Variants in NKAIN3 observed in about 807,000 individuals in gnomAD.
NKAIN3 encodes sodium/potassium transporting ATPase interacting 3.
In NKAIN3, 25 loss-of-function variants were observed where a neutral mutation model predicts 30.2. The observed-to-expected ratio is 0.83, with a 90% CI of 0.60 to 1.16. The LOEUF is 1.16. NKAIN3 is among the 50% of genes most tolerant of loss of function. The pLI, the probability that NKAIN3 is intolerant of heterozygous loss-of-function variation, is 0.00. For missense variants in NKAIN3, 225 were observed against 254.1 expected, an observed-to-expected ratio of 0.89 and a Z score of 0.78; for synonymous variants, 91 against 89.6, an observed-to-expected ratio of 1.02 and a Z score of -0.09.
intron 4 of NKAIN3, among the ~76,000 whole-genome samples, chr8:62,798,990 A>G (rs1817965243): frequency 6.6e-6 from 1 of 152,060 alleles, no homozygotes; most frequent in Admixed American, 6.6e-5. Context: ...GACTCACAGG[A>G]CCAAGGTGTC....
At chr8:62,466,740 T>G (rs16928969) in intron 1 of NKAIN3, among the ~76,000 whole-genome samples, 3,340 of 152,238 alleles carry the variant, frequency 0.022, 137 homozygotes, top group African/African-American at 0.076. Flanking sequence ...TAAACTTAGG[T>G]CTTAAAAGCC....
At chr8:62,574,729 A>C (rs1376205951) in intron 1 of NKAIN3, among the ~76,000 whole-genome samples, 1 of 152,114 alleles carries the variant, frequency 6.6e-6, no homozygotes, top group Non-Finnish European at 1.5e-5. Flanking sequence ...TTTTTTGGAT[A>C]TAAGCCATTT....
intron 4 of NKAIN3, among the ~76,000 whole-genome samples, chr8:62,840,437 AAC>A (rs1447487607): frequency 2.5e-4 from 37 of 150,904 alleles, no homozygotes; most frequent in African/African-American, 7.0e-4. Context: ...AAAAAAAAAA[AAC>A]AATCAGAGAG....
intron 4 of NKAIN3, among the ~76,000 whole-genome samples, chr8:62,805,364 A>G: frequency 6.6e-6 from 1 of 151,860 alleles, no homozygotes; most frequent in East Asian, 1.9e-4. Flanking sequence ...AGCCAAAAGA[A>G]CAAAGCTGGA....
chr8:62,942,751 G>A (rs747432795), intron 5 of NKAIN3, among the ~76,000 whole-genome samples: 1 of 151,944 alleles, frequency 6.6e-6, no homozygotes, highest in African/African-American at 2.4e-5. Context: ...ACTGATCTTC[G>A]ACAAAGCAAA....
At chr8:62,602,548 G>T (rs1585997575) in intron 3 of NKAIN3, among the ~76,000 whole-genome samples, 1 of 152,086 alleles carries the variant, frequency 6.6e-6, no homozygotes, top group Middle Eastern at 3.4e-3. Flanking sequence ...CAGAGTCTAT[G>T]ACAACATTGG....
intron 4 of NKAIN3, among the ~76,000 whole-genome samples, chr8:62,870,969 G>A (rs563100033): frequency 6.6e-6 from 1 of 151,900 alleles, no homozygotes; most frequent in Non-Finnish European, 1.5e-5. Context: ...AGATCATACT[G>A]GGAAAACCAG....
In NKAIN3 at chr8:62,699,078, G is replaced by T. The variant is rs142078677; in HGVS notation, c.274-47854G>T. On this transcript the variant is annotated intron_variant, in intron 3 of 6. Coordinates refer to ENST00000623646, the MANE Select transcript of NKAIN3 (RefSeq NM_001304533.3). ...GATATGCTGTTGTCATTAGAAACAC[G>T]CTGGCTTTCTTGTGACCTTTCTCGG... Among the ~76,000 whole-genome samples, 72 of 152,138 alleles carry T rather than the reference G, an allele frequency of 4.7e-4. No individual in the cohort carries two copies. In the East Asian group the frequency reaches 6.2e-3, roughly 13 times the overall value.
At chr8:62,551,305 C>T (rs1363234664) in intron 1 of NKAIN3, among the ~76,000 whole-genome samples, 1 of 152,086 alleles carries the variant, frequency 6.6e-6, no homozygotes, top group Non-Finnish European at 1.5e-5. Flanking sequence ...GGATCTACTT[C>T]TGTAATCTGA....
At chr8:62,401,589 G>T (rs902943217) in intron 1 of NKAIN3, among the ~76,000 whole-genome samples, 1 of 152,080 alleles carries the variant, frequency 6.6e-6, no homozygotes, top group South Asian at 2.1e-4. Flanking sequence ...GTATCCAAAG[G>T]GACCTGGGTG....
chr8:62,585,878 G>A (rs565215725), intron 2 of NKAIN3, among the ~76,000 whole-genome samples: 6 of 151,870 alleles, frequency 4.0e-5, no homozygotes, highest in African/African-American at 7.3e-5. Context: ...TTTACTCCTC[G>A]GTCAAATATG....
intron 1 of NKAIN3, among the ~76,000 whole-genome samples, chr8:62,377,369 A>C (rs188495621): frequency 1.6e-3 from 240 of 152,306 alleles, no homozygotes; most frequent in Non-Finnish European, 2.0e-3. Context: ...CTCTTAAATA[A>C]TTAAAGTCTT....
At chr8:62,699,689 G>GTTATAACA (rs1306739216) in intron 3 of NKAIN3, among the ~76,000 whole-genome samples, 1 of 152,168 alleles carries the variant, frequency 6.6e-6, no homozygotes, top group Non-Finnish European at 1.5e-5. Context: ...TTGCTTGGGT[G>GTTATAACA]TTATTAACAT....
At chr8:62,421,231 T>C (rs1293601204) in intron 1 of NKAIN3, among the ~76,000 whole-genome samples, 2 of 152,186 alleles carry the variant, frequency 1.3e-5, no homozygotes, top group Non-Finnish European at 2.9e-5. Flanking sequence ...TACTAACCTC[T>C]GGCTATAGCC....
At chr8:62,713,731 G>A (rs1008714082) in intron 3 of NKAIN3, among the ~76,000 whole-genome samples, 2 of 152,090 alleles carry the variant, frequency 1.3e-5, no homozygotes, top group Admixed American at 1.3e-4. Context: ...TATGGTTTAT[G>A]TGTCACTAAA....
rs762029453 is a variant in NKAIN3, at chr8:62,481,766, G to A, written c.55-97773G>A. On this transcript the variant is annotated intron_variant, in intron 1 of 6. Transcript: ENST00000623646. ...GGGTTCACTAATCAAAGAAATCATC[G>A]TATGCTTTGAGATACAATTAAATGT... is the stretch of plus-strand genomic sequence containing the variant. Among the ~76,000 whole-genome samples, 10 of 152,142 alleles carry A rather than the reference G, an allele frequency of 6.6e-5. 1 individual carries two copies. Among genetic ancestry groups the A allele is most frequent in the East Asian group, 1.9e-4 (1 of 5,188 alleles).
intron 4 of NKAIN3, among the ~76,000 whole-genome samples, chr8:62,843,946 A>G (rs12542042): frequency 0.073 from 11,074 of 152,210 alleles, 711 homozygotes; most frequent in East Asian, 0.27. Flanking sequence ...CCATGCAAGA[A>G]GTAAAAAGTT....
chr8:62,510,352 C>A (rs563229535), intron 1 of NKAIN3, among the ~76,000 whole-genome samples: 1 of 152,090 alleles, frequency 6.6e-6, no homozygotes, highest in Admixed American at 6.6e-5. Flanking sequence ...GACTGACCAC[C>A]ACCTTCATTC....
chr8:62,770,816 G>A (rs984836225), intron 4 of NKAIN3, among the ~76,000 whole-genome samples: 6 of 150,338 alleles, frequency 4.0e-5, no homozygotes, highest in African/African-American at 1.2e-4. Context: ...AGACTTCAGC[G>A]ACCAGAAGCC....
Sources: allele counts gnomAD v4.1 joint callset (sites outside exome capture counted in the v4.1 genomes callset), GRCh38; gene constraint gnomAD v4.1.1; transcripts MANE v1.5; gene names NCBI Gene and HGNC (gene_info 2026-07-23, HGNC 2026-07-21).